The following NAALADL2 variants were observed in gnomAD, a reference collection of about 807,000 sequenced individuals.
NAALADL2 encodes inactive N-acetylated-alpha-linked acidic dipeptidase-like protein 2.
NAALADL2 carries 76 observed loss-of-function variants against 87.2 expected under a neutral mutation model. The observed-to-expected ratio is 0.87, with a 90% CI of 0.72 to 1.05. NAALADL2 has a LOEUF of 1.05. NAALADL2 is among the 50% of genes least tolerant of loss of function. NAALADL2 has a pLI of 0.00. For synonymous variants in NAALADL2, 354 were observed against 331.0 expected, an observed-to-expected ratio of 1.07 and a Z score of -0.75; for missense variants, 1,089 against 945.8, an observed-to-expected ratio of 1.15 and a Z score of -1.99.
intron 2 of NAALADL2, among the ~76,000 whole-genome samples, chr3:175,165,749 C>T (rs1413562075): frequency 6.6e-6 from 1 of 152,108 alleles, no homozygotes; most frequent in Non-Finnish European, 1.5e-5. Flanking sequence ...ATGGGATGTA[C>T]ATCTCTTGCT....
chr3:174,825,623 A>G (rs1002297476), intron 3 of NAALADL2, among the ~76,000 whole-genome samples: 3 of 152,204 alleles, frequency 2.0e-5, no homozygotes, highest in Non-Finnish European at 4.4e-5. Context: ...AATCAAGTTG[A>G]CACACAGAAT....
chr3:174,873,217 C>CTG (rs1553879663), intron 1 of NAALADL2, among the ~76,000 whole-genome samples: 2 of 149,610 alleles, frequency 1.3e-5, no homozygotes, highest in East Asian at 2.0e-4. Flanking sequence ...CTCTCTCTCT[C>CTG]TGTGTACATG....
chr3:175,109,420 T>C (rs1045902883), intron 2 of NAALADL2, among the ~76,000 whole-genome samples: 1 of 151,806 alleles, frequency 6.6e-6, no homozygotes, highest in African/African-American at 2.4e-5. Flanking sequence ...GAATAAAATA[T>C]GCAAGATACC....
intron 2 of NAALADL2, among the ~76,000 whole-genome samples, chr3:175,097,587 A>G (rs1721378936): frequency 6.6e-6 from 1 of 152,112 alleles, no homozygotes; most frequent in Non-Finnish European, 1.5e-5. Flanking sequence ...TGTTAGGCCA[A>G]ATTGGGATGC....
chr3:175,573,242 T>C (rs1718353471), intron 9 of NAALADL2, among the ~76,000 whole-genome samples: 1 of 152,200 alleles, frequency 6.6e-6, no homozygotes, highest in Non-Finnish European at 1.5e-5. Context: ...TAATGCCAAA[T>C]CTATATTTTC....
At chr3:174,990,388 G>GA (rs1200465192) in intron 1 of NAALADL2, among the ~76,000 whole-genome samples, 12 of 151,916 alleles carry the variant, frequency 7.9e-5, no homozygotes, top group Admixed American at 6.6e-5. Context: ...ATCCTGAGCC[G>GA]AAAAAATGAA....
chr3:174,939,530 T>C (rs1738245737), intron 1 of NAALADL2, among the ~76,000 whole-genome samples: 1 of 152,074 alleles, frequency 6.6e-6, no homozygotes, highest in African/African-American at 2.4e-5. Context: ...AGTTTTTTTT[T>C]CTAGTCCTGT....
intron 2 of NAALADL2, among the ~76,000 whole-genome samples, chr3:174,725,489 C>G (rs1175134164): frequency 6.6e-6 from 1 of 151,998 alleles, no homozygotes; most frequent in Non-Finnish European, 1.5e-5. Flanking sequence ...AGGGTAATGA[C>G]GTAATTAAGT....
chr3:174,882,638 C>T (rs34828285), intron 1 of NAALADL2, among the ~76,000 whole-genome samples: 1,008 of 81,284 alleles, frequency 0.012, 27 homozygotes, highest in Non-Finnish European at 0.01. Flanking sequence ...TGCATATACA[C>T]ATATGTGCAT....
At chr3:175,561,647 T>A (rs1326177468) in intron 9 of NAALADL2, among the ~76,000 whole-genome samples, 1 of 152,224 alleles carries the variant, frequency 6.6e-6, no homozygotes, top group Non-Finnish European at 1.5e-5. Context: ...TGGTCCATTA[T>A]ATCCATGGCT....
At chr3:175,503,996 T>C (rs1012186132) in intron 9 of NAALADL2, among the ~76,000 whole-genome samples, 1 of 152,206 alleles carries the variant, frequency 6.6e-6, no homozygotes. Context: ...CGTCACGAAA[T>C]TTTTGCCAGG....
At position 174,690,231 on chromosome 3, in the gene NAALADL2, T is replaced by C. The variant is rs547866481; in HGVS notation, c.-114-47410T>C. Among the ~76,000 whole-genome samples, 3 of 152,216 alleles carry C rather than the reference T, an allele frequency of 2.0e-5. No individual in the cohort carries two copies. The East Asian group carries it at 5.8e-4, about 29-fold the overall frequency. On this transcript the variant is annotated intron_variant, in intron 2 of 3. Coordinates refer to the NAALADL2 transcript ENST00000434257. ...GAACAAAACTATAAGCAACAATTTT[T>C]TGTGATTAAAGTAAGACGATCATAT... is the stretch of plus-strand genomic sequence containing the variant.
chr3:175,304,467 T>C (rs1362712491), intron 4 of NAALADL2, among the ~76,000 whole-genome samples: 1 of 152,202 alleles, frequency 6.6e-6, no homozygotes, highest in Non-Finnish European at 1.5e-5. Context: ...ATTTGGCTTT[T>C]ATAATTGAGA....
chr3:175,428,883 C>T (rs1169309008), intron 5 of NAALADL2, among the ~76,000 whole-genome samples: 2 of 151,990 alleles, frequency 1.3e-5, no homozygotes, highest in East Asian at 3.9e-4. Context: ...AATGATAGCA[C>T]ACTATGTATA....
At chr3:175,769,227 A>G (rs1477620817) in intron 13 of NAALADL2, among the ~76,000 whole-genome samples, 1 of 152,258 alleles carries the variant, frequency 6.6e-6, no homozygotes, top group South Asian at 2.1e-4. Context: ...ACTGTACCAG[A>G]CACTGAGAAT....
chr3:175,272,194 A>G (rs530232963), intron 4 of NAALADL2, among the ~76,000 whole-genome samples: 5 of 152,206 alleles, frequency 3.3e-5, no homozygotes, highest in South Asian at 4.1e-4. Flanking sequence ...TTCCAGTAAG[A>G]GAGAAGATGT....
chr3:175,381,522 AAT>A (rs1228899504), intron 5 of NAALADL2, among the ~76,000 whole-genome samples: 1 of 152,050 alleles, frequency 6.6e-6, no homozygotes, highest in Non-Finnish European at 1.5e-5. Flanking sequence ...ACATATTTTA[AAT>A]ATCTCATTTA....
chr3:174,681,503 AT>A (rs1727535189), intron 2 of NAALADL2, among the ~76,000 whole-genome samples: 1 of 152,068 alleles, frequency 6.6e-6, no homozygotes, highest in Admixed American at 6.6e-5. Flanking sequence ...TAGTAGCTCA[AT>A]CACAAAAGGA....
chr3:174,718,756 C>G (rs975080632), intron 2 of NAALADL2, among the ~76,000 whole-genome samples: 44 of 152,300 alleles, frequency 2.9e-4, no homozygotes, highest in Non-Finnish European at 3.4e-4. Context: ...AATAGCAATT[C>G]TCTTACAGTC....
Sources: allele counts gnomAD v4.1 joint callset (sites outside exome capture counted in the v4.1 genomes callset), GRCh38; gene constraint gnomAD v4.1.1; transcripts MANE v1.5; gene names NCBI Gene and HGNC (gene_info 2026-07-23, HGNC 2026-07-21).